Variants in KLHL3 observed in about 807,000 individuals in gnomAD.
The protein encoded by KLHL3 is kelch like family member 3, also known as kelch-like protein 3.
A neutral mutation model predicts 70.5 loss-of-function variants in KLHL3; 19 were observed. The ratio of observed to expected loss-of-function variants is 0.27; its 90% confidence interval spans 0.19 to 0.40. The LOEUF (loss-of-function observed/expected upper bound fraction) is 0.40. KLHL3 is among the 10% of genes least tolerant of loss of function. KLHL3 has a pLI of 1.00. For synonymous variants in KLHL3, 258 were observed against 290.3 expected, an observed-to-expected ratio of 0.89 and a Z score of 1.13; for missense variants, 512 against 771.1, an observed-to-expected ratio of 0.66 and a Z score of 3.98.
At chr5:137,696,002 A>G (rs1203492552) in intron 4 of KLHL3, among the ~76,000 whole-genome samples, 2 of 152,184 alleles carry the variant, frequency 1.3e-5, no homozygotes, top group Non-Finnish European at 2.9e-5. Flanking sequence ...AATGGCCCCC[A>G]GCAAGAGTCT....
chr5:137,667,466 G>GTCT (rs1485127754), intron 6 of KLHL3, among the ~76,000 whole-genome samples: 1 of 152,196 alleles, frequency 6.6e-6, no homozygotes, highest in Non-Finnish European at 1.5e-5. Context: ...AGACTGTCAA[G>GTCT]TGGAAAGGAG....
chr5:137,622,961 C>G (rs1024919900), intron 14 of KLHL3, among the ~76,000 whole-genome samples: 2 of 152,232 alleles, frequency 1.3e-5, no homozygotes, highest in Non-Finnish European at 1.5e-5. Flanking sequence ...GTGCTGGCCA[C>G]TAAGACTGTA....
At chr5:137,723,319 A>G (rs560441354) in intron 1 of KLHL3, among the ~76,000 whole-genome samples, 1 of 152,324 alleles carries the variant, frequency 6.6e-6, no homozygotes, top group South Asian at 2.1e-4. Context: ...CATTGAATTT[A>G]TAGATCAATT....
In KLHL3 at chr5:137,639,731, G is replaced by T; in HGVS notation, c.1021+129C>A. The T allele has an allele frequency of 1.6e-6, 1 of 626,782 alleles. No homozygotes were observed. Among genetic ancestry groups the T allele is most frequent in the Non-Finnish European group, 2.8e-6 (1 of 362,134 alleles). 38.8% of individuals were successfully genotyped at this position (626,782 alleles called of 1,614,324 possible). On this transcript the variant is annotated intron_variant, in intron 9 of 14. Coordinates refer to ENST00000309755, the MANE Select transcript of KLHL3 (RefSeq NM_017415.3). The surrounding 1 kb of genome is among the most constrained non-coding windows in gnomAD (Gnocchi z 5.0). ...ACAACCAAAAAAAAAAAAAAAGTGT[G>T]CAGGAGGGAAACGAATGGGAGCCTG...
intron 2 of KLHL3, among the ~76,000 whole-genome samples, chr5:137,716,692 T>C (rs1752899327): frequency 6.6e-6 from 1 of 152,168 alleles, no homozygotes; most frequent in African/African-American, 2.4e-5. Flanking sequence ...CATTAAAAAG[T>C]GAAGCAGAGG....
At chr5:137,707,877 ACAATTCATTG>A (rs1470399093) in intron 3 of KLHL3, among the ~76,000 whole-genome samples, 1 of 152,228 alleles carries the variant, frequency 6.6e-6, no homozygotes, top group African/African-American at 2.4e-5. Context: ...AGCCAGCATG[ACAATTCATTG>A]CAATTCCAAA....
chr5:137,671,860 G>C (rs1243993524), intron 6 of KLHL3: 1 of 152,020 alleles, frequency 6.6e-6, no homozygotes, highest in Non-Finnish European at 1.5e-5. Context: ...TCTTGACCTG[G>C]GTGCTAGTTA....
chr5:137,686,528 G>C (rs1157210466), intron 5 of KLHL3, among the ~76,000 whole-genome samples: 3 of 152,192 alleles, frequency 2.0e-5, no homozygotes, highest in Non-Finnish European at 4.4e-5. Context: ...TAGTTTGTTG[G>C]CATGAAATAC....
At chr5:137,647,603 G>A (rs777362478) in intron 8 of KLHL3, 2 of 472,410 alleles carry the variant, frequency 4.2e-6, no homozygotes, top group South Asian at 3.1e-5. Flanking sequence ...GGCCAGGGCA[G>A]GAAGCGAGAG....
At chr5:137,646,604 C>A (rs1751052266) in intron 8 of KLHL3, among the ~76,000 whole-genome samples, 1 of 152,142 alleles carries the variant, frequency 6.6e-6, no homozygotes, top group South Asian at 2.1e-4. Context: ...CTTAAGAAGA[C>A]CACAAGATGT....
At chr5:137,634,275 G>T in intron 11 of KLHL3, 110 bp from the exon 12 acceptor site, 1 of 1,257,724 alleles carries the variant, frequency 8.0e-7, no homozygotes, top group Non-Finnish European at 1.1e-6. Flanking sequence ...TCAGAATTCT[G>T]TTCCCTCTTT....
chr5:137,672,008 GGT>G (rs1404711316), intron 6 of KLHL3: 1 of 152,186 alleles, frequency 6.6e-6, no homozygotes, highest in Non-Finnish European at 1.5e-5. Flanking sequence ...GGTTGGTCAT[GGT>G]AGATTTGGGG....
chr5:137,669,517 G>C (rs540050390), intron 6 of KLHL3, among the ~76,000 whole-genome samples: 2 of 152,288 alleles, frequency 1.3e-5, no homozygotes, highest in South Asian at 4.1e-4. Flanking sequence ...ACTTGGCCTG[G>C]AAATTGTTCT....
At chr5:137,660,237 G>T (rs72800069) in intron 7 of KLHL3, among the ~76,000 whole-genome samples, 2,298 of 152,266 alleles carry the variant, frequency 0.015, 31 homozygotes, top group South Asian at 0.035. Flanking sequence ...TAACCCAGGA[G>T]CCATTTCCTA....
chr5:137,633,084 T>C (rs932708722), intron 12 of KLHL3, among the ~76,000 whole-genome samples: 1 of 151,898 alleles, frequency 6.6e-6, no homozygotes, highest in African/African-American at 2.4e-5. Flanking sequence ...ATTGAGACCA[T>C]CCTGGCTAAC....
At chr5:137,724,505 A>G (rs1753054902) in intron 1 of KLHL3, among the ~76,000 whole-genome samples, 2 of 152,214 alleles carry the variant, frequency 1.3e-5, no homozygotes, top group African/African-American at 4.8e-5. Context: ...CAGATTGCCT[A>G]TTATCAGAGG....
intron 2 of KLHL3, among the ~76,000 whole-genome samples, chr5:137,710,859 A>G (rs1752779745): frequency 6.6e-6 from 1 of 152,236 alleles, no homozygotes; most frequent in Non-Finnish European, 1.5e-5. Context: ...GAAAATGAAG[A>G]AACTGAGGTC....
chr5:137,627,423 C>A (rs1750495124), intron 13 of KLHL3, among the ~76,000 whole-genome samples: 2 of 143,258 alleles, frequency 1.4e-5, no homozygotes, highest in South Asian at 2.2e-4. Context: ...GGCTTAAAGC[C>A]AAATGAGAAC....
At chr5:137,657,043 C>T (rs1259797945) in intron 8 of KLHL3, among the ~76,000 whole-genome samples, 3 of 152,228 alleles carry the variant, frequency 2.0e-5, no homozygotes, top group Admixed American at 6.5e-5. Flanking sequence ...ATCTGGGACA[C>T]TGAGACATTT....
Sources: gnomAD v4.1 joint callset for allele counts (sites outside exome capture counted in the v4.1 genomes callset) on GRCh38, gnomAD v4.1.1 for gene constraint, Gnocchi (gnomAD v3.1) non-coding constraint, MANE v1.5 for transcripts, NCBI Gene and HGNC (gene_info 2026-07-23, HGNC 2026-07-21) for gene names.